DUSP13B: variants seen among roughly 807,000 people sequenced by gnomAD.
DUSP13B encodes the protein dual specificity phosphatase 13B.
At chr10:75,105,895 C>G in the DUSP13B span, 3 of 1,540,788 alleles carry the variant, frequency 1.9e-6, no homozygotes, top group Non-Finnish European at 8.8e-7. Flanking sequence ...GGTGAAAAAC[C>G]CTGTCCCACA....
the DUSP13B span, chr10:75,105,769 A>G: frequency 6.4e-7 from 1 of 1,552,034 alleles, no homozygotes; most frequent in Non-Finnish European, 8.7e-7. Context: ...CACGGTGATC[A>G]CCGCCTGGCG....
At chr10:75,104,253 G>C in the DUSP13B span, among the ~76,000 whole-genome samples, 1 of 152,194 alleles carries the variant, frequency 6.6e-6, no homozygotes, top group East Asian at 1.9e-4. Context: ...GGAGAGATGA[G>C]GAGGTAGATT....
chr10:75,097,330 T>G, the DUSP13B span, among the ~76,000 whole-genome samples: 1 of 152,142 alleles, frequency 6.6e-6, no homozygotes, highest in African/African-American at 2.4e-5. Flanking sequence ...TGCCTCAGCC[T>G]CCTGAGTAGC....
the DUSP13B span, chr10:75,109,130 C>G: frequency 6.2e-6 from 10 of 1,606,168 alleles, no homozygotes; most frequent in South Asian, 4.4e-5. Flanking sequence ...TCCTCTCCCC[C>G]CAGCTCTGGG....
At chr10:75,097,530 C>T in the DUSP13B span, among the ~76,000 whole-genome samples, 2 of 152,192 alleles carry the variant, frequency 1.3e-5, no homozygotes, top group African/African-American at 4.8e-5. Context: ...TTCTTATGTG[C>T]ATTCTAGTTC....
the DUSP13B span, chr10:75,105,720 C>T: frequency 6.4e-7 from 1 of 1,554,024 alleles, no homozygotes; most frequent in Non-Finnish European, 8.7e-7. Flanking sequence ...AGAGCTGGTG[C>T]AGGAAGCCTC....
chr10:75,108,042 TAGGC>T, the DUSP13B span: 1 of 1,613,676 alleles, frequency 6.2e-7, no homozygotes. Flanking sequence ...AGAGGAGAAG[TAGGC>T]ACTGATGTCA....
the DUSP13B span, chr10:75,103,747 G>T: frequency 1.7e-6 from 1 of 573,204 alleles, no homozygotes; most frequent in African/African-American, 2.0e-5. Context: ...AGCCCTGAGG[G>T]GAGCTGCTGG....
At chr10:75,108,997 G>A in the DUSP13B span, 2 of 1,592,014 alleles carry the variant, frequency 1.3e-6, no homozygotes. Flanking sequence ...CCCTTGGCCA[G>A]CTACCACTCA....
chr10:75,095,599 G>A, the DUSP13B span: 22 of 1,613,990 alleles, frequency 1.4e-5, no homozygotes, highest in Admixed American at 1.0e-4. Context: ...AGGGCAGCTC[G>A]GATGTATCGA....
the DUSP13B span, among the ~76,000 whole-genome samples, chr10:75,106,520 A>G: frequency 3.9e-5 from 6 of 152,058 alleles, no homozygotes; most frequent in African/African-American, 1.2e-4. Flanking sequence ...TTGAATCACA[A>G]AGCAGCTCAT....
At chr10:75,105,944 C>T in the DUSP13B span, 1 of 1,372,316 alleles carries the variant, frequency 7.3e-7, no homozygotes, top group East Asian at 2.5e-5. Flanking sequence ...GACCCAAGTT[C>T]CTTTCCTGAC....
At chr10:75,094,814 G>A in the DUSP13B span, 4 of 1,614,100 alleles carry the variant, frequency 2.5e-6, no homozygotes, top group Non-Finnish European at 3.4e-6. Flanking sequence ...CACAGATCAT[G>A]AGGAAGGCCA....
chr10:75,101,408 G>A, the DUSP13B span, among the ~76,000 whole-genome samples: 1 of 152,170 alleles, frequency 6.6e-6, no homozygotes, highest in Admixed American at 6.5e-5. Flanking sequence ...CCTATGTGGA[G>A]GGTAACTTCC....
the DUSP13B span, chr10:75,109,187 T>TGGTCACTCCTCTCTGCCTCTCC: frequency 5.2e-6 from 8 of 1,532,748 alleles, no homozygotes; most frequent in Non-Finnish European, 7.0e-6. Context: ...TCTGCCTCTG[T>TGGTCACTCCTCTCTGCCTCTCC]GGTCACTCCT....
chr10:75,105,927 G>A, the DUSP13B span: 3 of 1,496,390 alleles, frequency 2.0e-6, no homozygotes, highest in Non-Finnish European at 9.1e-7. Context: ...CCACGGGCTG[G>A]GATGGGGACC....
chr10:75,102,665 G>C, the DUSP13B span, among the ~76,000 whole-genome samples: 2 of 151,832 alleles, frequency 1.3e-5, no homozygotes, highest in Non-Finnish European at 1.5e-5. Context: ...AAAAATTAGT[G>C]AGTTGGGCTG....
the DUSP13B span, among the ~76,000 whole-genome samples, chr10:75,105,109 G>C: frequency 6.6e-6 from 1 of 152,152 alleles, no homozygotes; most frequent in Admixed American, 6.5e-5. Flanking sequence ...TGCTGGGTGG[G>C]GAGCCACCGT....
At chr10:75,094,550 T>C in the DUSP13B span, 6 of 1,066,896 alleles carry the variant, frequency 5.6e-6, no homozygotes, top group African/African-American at 9.6e-5. Flanking sequence ...CAGCTATCCC[T>C]GCCTCTGCCT....
Sources: gnomAD v4.1 joint callset for allele counts (sites outside exome capture counted in the v4.1 genomes callset) on GRCh38, gnomAD v4.1.1 for gene constraint, MANE v1.5 for transcripts, NCBI Gene and HGNC (gene_info 2026-07-23, HGNC 2026-07-21) for gene names.